ZZZ3: variants seen among roughly 807,000 people sequenced by gnomAD.
The protein encoded by ZZZ3 is zinc finger ZZ-type containing 3, also known as ZZ-type zinc finger-containing protein 3.
A neutral mutation model predicts 95.2 loss-of-function variants in ZZZ3; 22 were observed. That is an observed-to-expected ratio of 0.23 (90% confidence interval 0.17 to 0.33). The LOEUF is 0.33. Among genes scored for constraint, ZZZ3 ranks in the 10% least tolerant of loss-of-function variants. The pLI is 1.00. For missense variants in ZZZ3, 885 were observed against 1,066.5 expected (o/e 0.83, Z 2.37); for synonymous variants, 335 against 358.9 (o/e 0.93, Z 0.75).
chr1:77,597,764 G>A (rs1012378800), intron 5 of ZZZ3, among the ~76,000 whole-genome samples: 1 of 152,054 alleles, frequency 6.6e-6, no homozygotes, highest in Non-Finnish European at 1.5e-5. Flanking sequence ...CCAGCCAAGC[G>A]AAGACTCAGG....
chr1:77,584,695 G>C, intron 5 of ZZZ3, 40 bp from the exon 6 acceptor site: 1 of 1,502,354 alleles, frequency 6.7e-7, no homozygotes, highest in Non-Finnish European at 8.9e-7. Context: ...AAATTTTCTA[G>C]TAACAACAAT....
At position 77,565,600 on chromosome 1, in the gene ZZZ3, A is replaced by G. The variant is rs756897025; in HGVS notation, c.*40T>C. ...CATAATTAACAATGATACCATTGCT[A>G]TGTGTTGAAGAGGACTAGTAAATGA... On this transcript the variant is annotated 3_prime_UTR_variant, in exon 15 of 15. Coordinates refer to ENST00000370801, the MANE Select transcript of ZZZ3 (RefSeq NM_015534.6). 5 of 1,594,530 alleles carry G rather than the reference A, an allele frequency of 3.1e-6. No individual in the cohort carries two copies. In the East Asian group the frequency reaches 8.9e-5, roughly 29 times the overall value.
intron 5 of ZZZ3, among the ~76,000 whole-genome samples, chr1:77,585,553 G>C (rs1663001903): frequency 6.6e-6 from 1 of 152,092 alleles, no homozygotes; most frequent in Admixed American, 6.5e-5. Context: ...TAAAATAACT[G>C]GTTAAATCCT....
rs1667964886 is a variant in ZZZ3, at chr1:77,633,147, C to T, written c.208G>A (p.Asp70Asn). ...QKGNNNGRTT[D>N]LKQQSTRESW... is the part of the protein sequence containing the mutation. Reference sequence around the variant, plus strand: ...TCTCGGGTACTCTGCTGTTTTAAATCAGTGGTTCTCCCATTATTATTTCCT... The same window carrying T: ...TCTCGGGTACTCTGCTGTTTTAAATTAGTGGTTCTCCCATTATTATTTCCT... The change falls in exon 5 of 15, where the codon GAT becomes AAT. Residue 70 changes from aspartate (D) to asparagine (N), a missense_variant. Coordinates refer to ENST00000370801, the MANE Select transcript of ZZZ3 (RefSeq NM_015534.6). The T allele has an allele frequency of 1.2e-6, 2 of 1,613,770 alleles. No homozygotes were observed. The highest frequency in any genetic ancestry group is 8.5e-7 in the Non-Finnish European group (1 of 1,179,986).
rs538347422 is a variant in ZZZ3, at chr1:77,674,951, C to CAA, written c.-403+7632_-403+7633dup. 2.5e-3 allele frequency among the ~76,000 whole-genome samples: 182 copies of CAA among 73,594 alleles called. 1 individual carries two copies. Among genetic ancestry groups the CAA allele is most frequent in the African/African-American group, 8.2e-3 (160 of 19,630 alleles). The allele number at this position is 73,594 out of a possible 152,430, so 48.3% of individuals were successfully genotyped here. The stretch of plus-strand genomic sequence containing the variant: ...TGGGCAACAGAGTAAGACTCGGTCT[C>CAA]AAAAAAAAAAAAAAAAAGAAACATT... On this transcript the variant is annotated intron_variant, in intron 1 of 14. Coordinates refer to ENST00000370801, the MANE Select transcript of ZZZ3 (RefSeq NM_015534.6).
intron 5 of ZZZ3, among the ~76,000 whole-genome samples, chr1:77,617,775 T>C (rs1198393672): frequency 1.4e-5 from 2 of 138,646 alleles, no homozygotes; most frequent in Admixed American, 1.5e-4. Flanking sequence ...CTGCCTCTAC[T>C]GAAAAAAAAA....
At chr1:77,636,705 GAAAAAAAAAAAAA>G in intron 4 of ZZZ3, among the ~76,000 whole-genome samples, 1 of 67,630 alleles carries the variant, frequency 1.5e-5, no homozygotes, top group Non-Finnish European at 2.7e-5. Context: ...GCCCTGTCTT[GAAAAAAAAAAAAA>G]AAAAAAAAAA....
At position 77,667,714 on chromosome 1, in the gene ZZZ3, C is replaced by T. The variant is rs144314661; in HGVS notation, c.-403+14871G>A. On this transcript the variant is annotated intron_variant, in intron 1 of 14. Coordinates refer to ENST00000370801, the MANE Select transcript of ZZZ3 (RefSeq NM_015534.6). ...ATCACTTTAAATCCTATCAATAAGT[C>T]AAATGATTTTTTAAATTAATCTTAT... 1.5e-3 allele frequency among the ~76,000 whole-genome samples: 222 copies of T among 150,670 alleles called. 2 individuals carry two copies. The highest frequency in any genetic ancestry group is 5.1e-3 in the African/African-American group (212 of 41,212).
chr1:77,583,692 A>G (rs981575819), intron 6 of ZZZ3, among the ~76,000 whole-genome samples: 3 of 152,182 alleles, frequency 2.0e-5, no homozygotes, highest in Admixed American at 1.3e-4. Context: ...ACTCATAAAG[A>G]TACTAAAGTT....
intron 5 of ZZZ3, among the ~76,000 whole-genome samples, chr1:77,616,725 G>A (rs542462986): frequency 5.3e-5 from 8 of 152,204 alleles, no homozygotes; most frequent in African/African-American, 1.7e-4. Context: ...AATTAGCCGG[G>A]GGTGGTGGCA....
At chr1:77,624,817 T>C (rs1312304299) in intron 5 of ZZZ3, among the ~76,000 whole-genome samples, 1 of 152,174 alleles carries the variant, frequency 6.6e-6, no homozygotes, top group African/African-American at 2.4e-5. Context: ...CCATTTGTGA[T>C]TGGCTTCTGA....
intron 5 of ZZZ3, among the ~76,000 whole-genome samples, chr1:77,592,538 G>A (rs1398914002): frequency 2.0e-5 from 3 of 152,070 alleles, no homozygotes; most frequent in Non-Finnish European, 4.4e-5. Flanking sequence ...CTGACCTCAA[G>A]TGACCTGCCC....
intron 11 of ZZZ3, 101 bp downstream of exon 11, chr1:77,578,673 T>C (rs1662206410): frequency 1.5e-6 from 1 of 679,046 alleles, no homozygotes; most frequent in African/African-American, 1.9e-5. Context: ...AACAGAAGTT[T>C]TAAAATACAA....
intron 5 of ZZZ3, among the ~76,000 whole-genome samples, chr1:77,595,895 A>G (rs1176008412): frequency 6.6e-6 from 1 of 152,104 alleles, no homozygotes; most frequent in Non-Finnish European, 1.5e-5. Flanking sequence ...AAAGCAAAAG[A>G]GGGTATACTG....
intron 1 of ZZZ3, among the ~76,000 whole-genome samples, chr1:77,655,889 T>A (rs1209808494): frequency 6.6e-6 from 1 of 152,238 alleles, no homozygotes; most frequent in Non-Finnish European, 1.5e-5. Flanking sequence ...TGTTAAATCC[T>A]GGAACAGACT....
In ZZZ3 at chr1:77,675,468, T is replaced by C. The variant is rs74090686; in HGVS notation, c.-403+7117A>G. Among the ~76,000 whole-genome samples, 541 of 152,202 alleles carry C rather than the reference T, an allele frequency of 3.6e-3. 3 individuals carry two copies. The highest frequency in any genetic ancestry group is 0.012 in the African/African-American group (515 of 41,534). ...CTCTCATGTGGCAGCCGAATTCCAG[T>C]AGGAAAAAAAGGTGTTAAGTTATGT... On this transcript the variant is annotated intron_variant, in intron 1 of 14. Coordinates refer to ENST00000370801, the MANE Select transcript of ZZZ3 (RefSeq NM_015534.6).
chr1:77,565,535 G>T lies in ZZZ3; in HGVS notation c.*105C>A. The T allele has an allele frequency of 1.6e-6, 2 of 1,278,606 alleles. No individual in the cohort carries two copies. Among genetic ancestry groups the T allele is most frequent in the African/African-American group, 1.5e-5 (1 of 67,526 alleles). 79.2% of individuals were successfully genotyped at this position (1,278,606 alleles called of 1,614,324 possible). A position where few individuals can be genotyped will look rare whatever the true frequency, so the allele number is the denominator to read the frequency against. On this transcript the variant is annotated 3_prime_UTR_variant, in exon 15 of 15. Transcript: ENST00000370801. ...CTCAGGAAGCTCTCATGCTGTGAGTGTCATTTCTGGGAAAGCAGAGAATCT... is the reference window on the plus strand; with the variant it reads ...CTCAGGAAGCTCTCATGCTGTGAGTTTCATTTCTGGGAAAGCAGAGAATCT...
chr1:77,596,667 G>A (rs986889483), intron 5 of ZZZ3, among the ~76,000 whole-genome samples: 2 of 152,198 alleles, frequency 1.3e-5, no homozygotes, highest in East Asian at 1.9e-4. Flanking sequence ...AAAGGCAAGA[G>A]GAACTGTACA....
chr1:77,656,234 A>G (rs898654059), intron 1 of ZZZ3, among the ~76,000 whole-genome samples: 8 of 152,234 alleles, frequency 5.3e-5, no homozygotes, highest in African/African-American at 1.7e-4. Flanking sequence ...CTTGCTTTAA[A>G]TATTTTTTAA....
Sources: gnomAD v4.1 joint callset for allele counts (sites outside exome capture counted in the v4.1 genomes callset) on GRCh38, gnomAD v4.1.1 for gene constraint, MANE v1.5 for transcripts, NCBI Gene and HGNC (gene_info 2026-07-23, HGNC 2026-07-21) for gene names.